Variants in THSD7B observed in about 807,000 individuals in gnomAD.
THSD7B encodes the protein thrombospondin type-1 domain-containing protein 7B.
THSD7B carries 138 observed loss-of-function variants against 213.6 expected under a neutral mutation model. The ratio of observed to expected loss-of-function variants is 0.65; its 90% CI spans 0.56 to 0.74. THSD7B has a LOEUF of 0.74. THSD7B is among the 30% of genes least tolerant of loss of function. The pLI is 0.00. For missense variants in THSD7B, 1,931 were observed against 1,991.5 expected (o/e 0.97, Z 0.58); for synonymous variants, 742 against 687.0 (o/e 1.08, Z -1.25).
intron 2 of THSD7B, among the ~76,000 whole-genome samples, chr2:136,979,783 C>T (rs1685543141): frequency 6.6e-6 from 1 of 152,230 alleles, no homozygotes; most frequent in Non-Finnish European, 1.5e-5. Flanking sequence ...TCATCCATCT[C>T]AGCCTCAGCC....
At chr2:137,311,717 G>C (rs557520104) in intron 12 of THSD7B, among the ~76,000 whole-genome samples, 72 of 151,564 alleles carry the variant, frequency 4.8e-4, no homozygotes, top group South Asian at 2.8e-3. Context: ...TAGCATGAAG[G>C]GTTGTTGAAT....
chr2:136,843,395 G>A (rs150417163), intron 1 of THSD7B, among the ~76,000 whole-genome samples: 9 of 152,186 alleles, frequency 5.9e-5, no homozygotes, highest in Non-Finnish European at 1.2e-4. Flanking sequence ...AATCGTATTC[G>A]TGAATGTCCA....
At chr2:137,291,743 T>C (rs1021105366) in intron 12 of THSD7B, among the ~76,000 whole-genome samples, 3 of 152,130 alleles carry the variant, frequency 2.0e-5, no homozygotes, top group African/African-American at 7.2e-5. Context: ...AGTATATTTC[T>C]AGTGAAATAA....
At chr2:136,812,935 G>A (rs367560279) in intron 1 of THSD7B, among the ~76,000 whole-genome samples, 101 of 152,134 alleles carry the variant, frequency 6.6e-4, no homozygotes, top group African/African-American at 2.4e-3. Context: ...GTCATTACTG[G>A]GCAAATAAGA....
chr2:137,582,007 G>A (rs988330610), intron 17 of THSD7B, among the ~76,000 whole-genome samples: 6 of 151,708 alleles, frequency 4.0e-5, no homozygotes, highest in Non-Finnish European at 7.4e-5. Flanking sequence ...GAGGCATGAG[G>A]ATTGCTTGAG....
chr2:136,769,833 T>G (rs1681473262), intron 1 of THSD7B, among the ~76,000 whole-genome samples: 1 of 151,940 alleles, frequency 6.6e-6, no homozygotes, highest in Non-Finnish European at 1.5e-5. Flanking sequence ...AAATGTTTCC[T>G]GCATGAATAA....
chr2:137,636,716 AT>A (rs1338544275), intron 20 of THSD7B, among the ~76,000 whole-genome samples: 2 of 152,208 alleles, frequency 1.3e-5, no homozygotes, highest in Non-Finnish European at 2.9e-5. Context: ...CAGAAAATTT[AT>A]GCTCAGAAGA....
In THSD7B at chr2:137,666,576, T is replaced by C. The variant is rs186129805; in HGVS notation, c.4652-1198T>C. Among the ~76,000 whole-genome samples the C allele has an allele frequency of 2.4e-3, 355 of 146,886 alleles. 1 individual carries two copies. The highest frequency in any genetic ancestry group is 8.3e-3 in the African/African-American group (339 of 40,872). On this transcript the variant is annotated intron_variant, in intron 26 of 27. Coordinates refer to ENST00000409968, the MANE Select transcript of THSD7B (RefSeq NM_001316349.2). ...AAGCTTTTCAAATAAGATACTGTTA[T>C]GTGTATTTTGGACCTGTAGTTAATT...
chr2:137,483,370 G>T (rs1438471441), intron 15 of THSD7B, among the ~76,000 whole-genome samples: 1 of 152,150 alleles, frequency 6.6e-6, no homozygotes, highest in Non-Finnish European at 1.5e-5. Flanking sequence ...AAACCCAAGG[G>T]AGCTTGTCTC....
chr2:137,438,277 C>A (rs187417801), intron 14 of THSD7B, among the ~76,000 whole-genome samples: 1 of 152,206 alleles, frequency 6.6e-6, no homozygotes, highest in African/African-American at 2.4e-5. Flanking sequence ...TGTTATCTAC[C>A]ATGACACTAT....
intron 2 of THSD7B, among the ~76,000 whole-genome samples, chr2:136,946,188 G>A (rs1311880652): frequency 6.6e-6 from 1 of 152,300 alleles, no homozygotes. Context: ...ATTCCTTTCT[G>A]TTTGTTAGTT....
At chr2:136,906,431 T>A (rs1684162784) in intron 2 of THSD7B, 1 of 152,182 alleles carries the variant, frequency 6.6e-6, no homozygotes, top group Non-Finnish European at 1.5e-5. Context: ...CTGAGTTTAT[T>A]ATTTTTGTAC....
chr2:137,014,642 G>A (rs2104837345), intron 2 of THSD7B, among the ~76,000 whole-genome samples: 1 of 152,338 alleles, frequency 6.6e-6, no homozygotes, highest in East Asian at 1.9e-4. Context: ...GCTGCCCAGT[G>A]TTGGCCTGTT....
At chr2:137,076,294 C>T (rs980605081) in intron 3 of THSD7B, among the ~76,000 whole-genome samples, 15 of 152,282 alleles carry the variant, frequency 9.9e-5, no homozygotes, top group East Asian at 1.9e-4. Context: ...CAATGGCGGG[C>T]GCCCCTCCCC....
chr2:136,906,864 T>C (rs549643347), intron 2 of THSD7B, among the ~76,000 whole-genome samples: 1 of 151,152 alleles, frequency 6.6e-6, no homozygotes, highest in South Asian at 2.1e-4. Flanking sequence ...TCTTAAACTT[T>C]GTAGAAAGTA....
chr2:136,994,544 G>C (rs746823347), intron 2 of THSD7B, among the ~76,000 whole-genome samples: 1 of 152,186 alleles, frequency 6.6e-6, no homozygotes, highest in Non-Finnish European at 1.5e-5. Flanking sequence ...TCCAGCCTGG[G>C]ACTGAGGGAA....
At chr2:137,323,219 G>T (rs528025897) in intron 12 of THSD7B, among the ~76,000 whole-genome samples, 1 of 152,190 alleles carries the variant, frequency 6.6e-6, no homozygotes, top group Non-Finnish European at 1.5e-5. Context: ...TATAAAGACA[G>T]TACAGTTAAC....
chr2:137,137,399 C>A (rs1210296103), intron 5 of THSD7B, among the ~76,000 whole-genome samples: 1 of 152,174 alleles, frequency 6.6e-6, no homozygotes, highest in East Asian at 1.9e-4. Context: ...CAGTCAGGTA[C>A]TGCATAACCA....
intron 2 of THSD7B, among the ~76,000 whole-genome samples, chr2:136,971,961 G>A (rs1685412183): frequency 6.6e-6 from 1 of 152,122 alleles, no homozygotes; most frequent in Non-Finnish European, 1.5e-5. Context: ...AGAAGTTCCA[G>A]TGATTGCATT....
Sources: allele counts gnomAD v4.1 joint callset (sites outside exome capture counted in the v4.1 genomes callset), GRCh38; gene constraint gnomAD v4.1.1; transcripts MANE v1.5; gene names NCBI Gene and HGNC (gene_info 2026-07-23, HGNC 2026-07-21).